Variants in RABGAP1L observed in about 807,000 individuals in gnomAD.
RABGAP1L encodes rab GTPase-activating protein 1-like.
RABGAP1L carries 63 observed loss-of-function variants against 137.7 expected under a neutral mutation model. The ratio of observed to expected loss-of-function variants is 0.46; its 90% CI spans 0.37 to 0.56. RABGAP1L has a LOEUF of 0.56. Among genes scored for constraint, RABGAP1L ranks in the 20% least tolerant of loss-of-function variants. RABGAP1L has a pLI of 0.00. For synonymous variants in RABGAP1L, 431 were observed against 433.7 expected (o/e 0.99, Z 0.08); for missense variants, 1,095 against 1,244.0 (o/e 0.88, Z 1.80).
intron 19 of RABGAP1L, among the ~76,000 whole-genome samples, chr1:174,859,967 TTTTTTTTTTC>T (rs1327639773): frequency 3.1e-5 from 4 of 129,364 alleles, no homozygotes; most frequent in Non-Finnish European, 4.6e-5. Flanking sequence ...TTTTTTTTTT[TTTTTTTTTTC>T]CAAATAAAGT....
intron 13 of RABGAP1L, among the ~76,000 whole-genome samples, chr1:174,601,500 GT>G (rs1235949060): frequency 3.3e-5 from 5 of 151,598 alleles, no homozygotes; most frequent in Non-Finnish European, 7.4e-5. Flanking sequence ...CTGTCGTGGG[GT>G]TGGGGGCAGG....
intron 11 of RABGAP1L, among the ~76,000 whole-genome samples, chr1:174,348,464 T>A (rs527271533): frequency 4.5e-4 from 67 of 149,370 alleles, no homozygotes; most frequent in East Asian, 3.6e-3. Flanking sequence ...TTATTTTTTT[T>A]AATTTATTTT....
At chr1:174,682,072 G>C (rs925525552) in intron 14 of RABGAP1L, among the ~76,000 whole-genome samples, 2 of 152,102 alleles carry the variant, frequency 1.3e-5, no homozygotes, top group African/African-American at 4.8e-5. Flanking sequence ...CCTGAGGTCA[G>C]CAGTTCAAGA....
intron 13 of RABGAP1L, among the ~76,000 whole-genome samples, chr1:174,427,438 T>C (rs1212239683): frequency 6.6e-6 from 1 of 152,176 alleles, no homozygotes; most frequent in Non-Finnish European, 1.5e-5. Context: ...ATTCTTTCCT[T>C]TCCCAATTTC....
intron 19 of RABGAP1L, among the ~76,000 whole-genome samples, chr1:174,956,190 T>C (rs1437178080): frequency 6.6e-6 from 1 of 152,134 alleles, no homozygotes; most frequent in African/African-American, 2.4e-5. Context: ...AAACTGAGGC[T>C]AAGAGAGTTT....
chr1:174,799,652 T>C (rs909495087), intron 18 of RABGAP1L, among the ~76,000 whole-genome samples: 1 of 152,082 alleles, frequency 6.6e-6, no homozygotes, highest in African/African-American at 2.4e-5. Context: ...ATTGGCTTCT[T>C]ATTACAGCAT....
At chr1:174,263,698 A>G (rs1267901180) in intron 7 of RABGAP1L, among the ~76,000 whole-genome samples, 1 of 151,912 alleles carries the variant, frequency 6.6e-6, no homozygotes, top group East Asian at 1.9e-4. Flanking sequence ...AAAGTAGATT[A>G]TCTTTTATTT....
At chr1:174,868,504 T>A (rs1377575678) in intron 19 of RABGAP1L, among the ~76,000 whole-genome samples, 1 of 152,174 alleles carries the variant, frequency 6.6e-6, no homozygotes, top group Admixed American at 6.5e-5. Flanking sequence ...TAGCTGCTAC[T>A]CTAAGCCATT....
chr1:174,423,831 T>C (rs1186762349), intron 13 of RABGAP1L, among the ~76,000 whole-genome samples: 2 of 152,124 alleles, frequency 1.3e-5, no homozygotes, highest in Non-Finnish European at 2.9e-5. Context: ...GTAATTTAAG[T>C]ACAGAAGATA....
At chr1:174,702,078 C>T (rs761305055) in intron 16 of RABGAP1L, 35 bp from the exon 17 acceptor site, 1 of 1,593,502 alleles carries the variant, frequency 6.3e-7, no homozygotes, top group Non-Finnish European at 8.5e-7. Flanking sequence ...CTGCAAGCTT[C>T]TCATTGCTCC....
chr1:174,756,809 C>T (rs1684803375), intron 18 of RABGAP1L: 1 of 544,982 alleles, frequency 1.8e-6, no homozygotes, highest in Non-Finnish European at 3.5e-6. Context: ...CGGTTGCAAA[C>T]TCCGGATGAG....
At chr1:174,347,029 C>T (rs1023871811) in intron 11 of RABGAP1L, among the ~76,000 whole-genome samples, 4 of 152,056 alleles carry the variant, frequency 2.6e-5, no homozygotes, top group Non-Finnish European at 5.9e-5. Flanking sequence ...TTGTATAGTT[C>T]CCAAAGTTCC....
At chr1:174,792,966 C>T (rs1439633838) in intron 18 of RABGAP1L, among the ~76,000 whole-genome samples, 1 of 152,050 alleles carries the variant, frequency 6.6e-6, no homozygotes, top group Admixed American at 6.6e-5. Context: ...AACCCCGTCT[C>T]TACTGAAAAT....
intron 19 of RABGAP1L, among the ~76,000 whole-genome samples, chr1:174,851,625 C>T (rs1432702927): frequency 6.6e-6 from 1 of 151,924 alleles, no homozygotes; most frequent in Non-Finnish European, 1.5e-5. Context: ...GCAATCTTCC[C>T]ATCTCAGTCT....
chr1:174,867,163 A>C (rs1010478128), intron 19 of RABGAP1L, among the ~76,000 whole-genome samples: 2 of 152,012 alleles, frequency 1.3e-5, no homozygotes, highest in African/African-American at 4.8e-5. Flanking sequence ...CGGCCGGATC[A>C]CGAGGTCAGG....
At chr1:174,641,969 C>T (rs79197295) in intron 14 of RABGAP1L, among the ~76,000 whole-genome samples, 14 of 152,126 alleles carry the variant, frequency 9.2e-5, no homozygotes, top group African/African-American at 2.7e-4. Context: ...TTACAGTGTT[C>T]GGTTTGTTAC....
chr1:174,969,159 G>C (rs1266873403), intron 20 of RABGAP1L, 118 bp from the exon 21 acceptor site: 4 of 731,156 alleles, frequency 5.5e-6, no homozygotes, highest in Non-Finnish European at 9.3e-6. Context: ...TGCCACTTGC[G>C]CCTTCTCCTT....
chr1:174,347,506 T>TC (rs1682554446), intron 11 of RABGAP1L, among the ~76,000 whole-genome samples: 1 of 151,476 alleles, frequency 6.6e-6, no homozygotes, highest in Non-Finnish European at 1.5e-5. Context: ...TGTGTTTTTT[T>TC]CTTTGAGACT....
intron 10 of RABGAP1L, among the ~76,000 whole-genome samples, chr1:174,290,286 C>A (rs1676470893): frequency 6.6e-6 from 1 of 152,168 alleles, no homozygotes; most frequent in African/African-American, 2.4e-5. Flanking sequence ...TGACAATTCT[C>A]AATATTCTGT....
Sources: gnomAD v4.1 joint callset for allele counts (sites outside exome capture counted in the v4.1 genomes callset) on GRCh38, gnomAD v4.1.1 for gene constraint, MANE v1.5 for transcripts, NCBI Gene and HGNC (gene_info 2026-07-23, HGNC 2026-07-21) for gene names.